SMOC1: variants seen among roughly 807,000 people sequenced by gnomAD.
The protein encoded by SMOC1 is SPARC-related modular calcium-binding protein 1.
SMOC1 carries 22 observed loss-of-function variants against 56.3 expected under a neutral mutation model. The ratio of observed to expected loss-of-function variants is 0.39; its 90% CI spans 0.28 to 0.56. SMOC1 has a LOEUF of 0.56. Among genes scored for constraint, SMOC1 ranks in the 20% least tolerant of loss-of-function variants. The probability of loss-of-function intolerance (pLI) is 0.61; values close to 1 mark genes in which losing one functional copy is unlikely to be tolerated. For synonymous variants in SMOC1, 193 were observed against 215.0 expected (o/e 0.90, Z 0.89); for missense variants, 509 against 565.4 (o/e 0.90, Z 1.01).
At chr14:69,917,727 T>C (rs1245590811) in intron 1 of SMOC1, among the ~76,000 whole-genome samples, 2 of 152,226 alleles carry the variant, frequency 1.3e-5, no homozygotes, top group South Asian at 2.1e-4. Flanking sequence ...TGGCAAACAT[T>C]GTTTTTCAGG....
At chr14:69,963,944 G>C (rs1446348635) in intron 3 of SMOC1, among the ~76,000 whole-genome samples, 2 of 152,110 alleles carry the variant, frequency 1.3e-5, no homozygotes, top group Non-Finnish European at 2.9e-5. Flanking sequence ...CAGGTGCAAG[G>C]ATGTGTGATA....
chr14:69,998,436 T>C (rs1405628341), intron 7 of SMOC1, among the ~76,000 whole-genome samples: 1 of 152,058 alleles, frequency 6.6e-6, no homozygotes, highest in Non-Finnish European at 1.5e-5. Context: ...AAGTTTTTTT[T>C]TTTTTTAAAT....
rs560918750 is a variant in SMOC1 at position 69,894,542 on chromosome 14, C to T, written c.99+14765C>T. Among the ~76,000 whole-genome samples the T allele has an allele frequency of 2.6e-4, 39 of 152,274 alleles. No homozygotes were observed. In the South Asian group the frequency reaches 4.4e-3, roughly 17 times the overall value. ...GTTAATCCTGTTAGCTTCTCCTGAC[C>T]ACATGGCTACTGGACAAGGTAAGAG... is the stretch of plus-strand genomic sequence containing the variant. On this transcript the variant is annotated intron_variant, in intron 1 of 11. Transcript: ENST00000361956.
At chr14:70,004,951 T>C (rs1310175418) in intron 7 of SMOC1, among the ~76,000 whole-genome samples, 1 of 152,226 alleles carries the variant, frequency 6.6e-6, no homozygotes. Context: ...CCCATGTTCT[T>C]TCTCCAAAAA....
chr14:69,899,404 G>T (rs1032324690), intron 1 of SMOC1, among the ~76,000 whole-genome samples: 1 of 152,124 alleles, frequency 6.6e-6, no homozygotes, highest in African/African-American at 2.4e-5. Flanking sequence ...ATGAGATCTG[G>T]TTGTTTAAAA....
intron 1 of SMOC1, among the ~76,000 whole-genome samples, chr14:69,918,559 G>A (rs1884749089): frequency 6.6e-6 from 1 of 152,086 alleles, no homozygotes; most frequent in Admixed American, 6.5e-5. Context: ...GAACCCTAGG[G>A]TCAGATTGGC....
chr14:69,891,372 A>T (rs910481731), intron 1 of SMOC1, among the ~76,000 whole-genome samples: 5 of 152,240 alleles, frequency 3.3e-5, no homozygotes, highest in African/African-American at 1.2e-4. Flanking sequence ...TAAGGAATAC[A>T]TTATACATTT....
chr14:69,950,637 G>A (rs1164368216), intron 1 of SMOC1, among the ~76,000 whole-genome samples: 1 of 152,198 alleles, frequency 6.6e-6, no homozygotes, highest in Non-Finnish European at 1.5e-5. Context: ...TGTGTGCTCA[G>A]GACTCTGCTA....
intron 10 of SMOC1, among the ~76,000 whole-genome samples, chr14:70,014,631 G>C (rs187463966): frequency 1.3e-5 from 2 of 152,294 alleles, no homozygotes; most frequent in Admixed American, 1.3e-4. Context: ...TTCTGCTCAT[G>C]CTCATGAAGC....
intron 7 of SMOC1, among the ~76,000 whole-genome samples, chr14:70,006,388 G>A (rs1464801730): frequency 6.6e-6 from 1 of 152,184 alleles, no homozygotes; most frequent in Non-Finnish European, 1.5e-5. Flanking sequence ...TGCAATGGTG[G>A]ATGAGTTACA....
chr14:69,966,311 G>T (rs1443500935), intron 3 of SMOC1, among the ~76,000 whole-genome samples: 1 of 152,124 alleles, frequency 6.6e-6, no homozygotes, highest in Non-Finnish European at 1.5e-5. Flanking sequence ...GAAGTTTCTT[G>T]GGTCCCCGGA....
chr14:70,013,706 C>T (rs901814304), intron 10 of SMOC1, among the ~76,000 whole-genome samples: 2 of 152,170 alleles, frequency 1.3e-5, no homozygotes, highest in Non-Finnish European at 2.9e-5. Flanking sequence ...AGCTGCTTGT[C>T]CCTAGCTTTT....
chr14:70,000,625 A>G (rs1884933612), intron 7 of SMOC1, among the ~76,000 whole-genome samples: 1 of 152,194 alleles, frequency 6.6e-6, no homozygotes, highest in African/African-American at 2.4e-5. Context: ...CCTCCATGCT[A>G]TATTGGGACA....
intron 1 of SMOC1, among the ~76,000 whole-genome samples, chr14:69,944,398 G>A (rs541032750): frequency 6.6e-6 from 1 of 152,182 alleles, no homozygotes; most frequent in Admixed American, 6.5e-5. Context: ...GAGCTGGGCT[G>A]TGGTTTCTGC....
chr14:69,943,066 T>G (rs1594814830), intron 1 of SMOC1, among the ~76,000 whole-genome samples: 1 of 152,128 alleles, frequency 6.6e-6, no homozygotes, highest in East Asian at 1.9e-4. Context: ...GACTGCTAAA[T>G]TCCTCCCTTG....
At chr14:70,011,319 G>A (rs908148065) in intron 8 of SMOC1, among the ~76,000 whole-genome samples, 166 bp from the exon 9 acceptor site, 4 of 152,162 alleles carry the variant, frequency 2.6e-5, no homozygotes, top group African/African-American at 9.7e-5. Context: ...TGGGAACATT[G>A]ATGCTAAGAT....
At chr14:69,928,313 C>T (rs760509167) in intron 1 of SMOC1, among the ~76,000 whole-genome samples, 1 of 152,180 alleles carries the variant, frequency 6.6e-6, no homozygotes, top group Non-Finnish European at 1.5e-5. Flanking sequence ...TGATTTATTT[C>T]GAGATTTTCC....
chr14:69,947,641 C>T (rs562609753), intron 1 of SMOC1, among the ~76,000 whole-genome samples: 17 of 152,278 alleles, frequency 1.1e-4, no homozygotes, highest in African/African-American at 2.9e-4. Flanking sequence ...TTGAAGACTA[C>T]GCTCCCTCCT....
In SMOC1 at chr14:69,883,889, A is replaced by ATTTTTTTTTTTT. The variant is rs34300667; in HGVS notation, c.99+4129_99+4140dup. Among the ~76,000 whole-genome samples, 16 of 66,644 alleles carry ATTTTTTTTTTTT rather than the reference A, an allele frequency of 2.4e-4. 5 individuals carry two copies. The highest frequency in any genetic ancestry group is 9.8e-4 in the African/African-American group (14 of 14,330). The allele number at this position is 66,644 out of a possible 152,430, so 43.7% of individuals were successfully genotyped here. On this transcript the variant is annotated intron_variant, in intron 1 of 11. Transcript: ENST00000361956. ...TCCCTGATGATTAGTGATGTTGAGC[A>ATTTTTTTTTTTT]TTTTTTTTTTTTTTTTTTTTTTTTT... is the stretch of plus-strand genomic sequence containing the variant.
Sources: gnomAD v4.1 joint callset for allele counts (sites outside exome capture counted in the v4.1 genomes callset) on GRCh38, gnomAD v4.1.1 for gene constraint, MANE v1.5 for transcripts, NCBI Gene and HGNC (gene_info 2026-07-23, HGNC 2026-07-21) for gene names.